TRPC4: variants seen among roughly 807,000 people sequenced by gnomAD.
TRPC4 encodes transient receptor potential cation channel subfamily C member 4.
A neutral mutation model predicts 99.4 loss-of-function variants in TRPC4; 49 were observed. The observed-to-expected ratio is 0.49, with a 90% CI of 0.39 to 0.63. The LOEUF is 0.63. TRPC4 is among the 20% of genes least tolerant of loss of function. The pLI is 0.00. For missense variants in TRPC4, 898 were observed against 1,152.9 expected (o/e 0.78, Z 3.20); for synonymous variants, 454 against 425.9 (o/e 1.07, Z -0.81).
intron 3 of TRPC4, among the ~76,000 whole-genome samples, chr13:37,725,660 CATT>C (rs1234359960): frequency 6.6e-6 from 1 of 152,044 alleles, no homozygotes; most frequent in African/African-American, 2.4e-5. Flanking sequence ...AACCAACAAT[CATT>C]GAGTTATATA....
intron 1 of TRPC4, among the ~76,000 whole-genome samples, chr13:37,828,283 A>G (rs1958309338): frequency 6.6e-6 from 1 of 152,162 alleles, no homozygotes; most frequent in African/African-American, 2.4e-5. Flanking sequence ...CTATTCGGCC[A>G]TCTTGGCTCC....
chr13:37,855,572 A>G (rs2139694043), intron 1 of TRPC4, among the ~76,000 whole-genome samples: 1 of 151,966 alleles, frequency 6.6e-6, no homozygotes, highest in East Asian at 1.9e-4. Context: ...CAAAATCTGC[A>G]GAATATACAT....
At chr13:37,725,078 A>T (rs1955003863) in intron 3 of TRPC4, among the ~76,000 whole-genome samples, 1 of 152,108 alleles carries the variant, frequency 6.6e-6, no homozygotes, top group African/African-American at 2.4e-5. Context: ...AAAAAGAAAC[A>T]AAAAATAAAT....
chr13:37,851,513 G>T (rs962312614), intron 1 of TRPC4, among the ~76,000 whole-genome samples: 4 of 152,132 alleles, frequency 2.6e-5, no homozygotes, highest in African/African-American at 9.7e-5. Flanking sequence ...AAATCAAATG[G>T]AAATACTAGA....
intron 4 of TRPC4, among the ~76,000 whole-genome samples, chr13:37,691,576 G>A (rs1333097406): frequency 6.6e-6 from 1 of 152,014 alleles, no homozygotes; most frequent in Non-Finnish European, 1.5e-5. Flanking sequence ...TGAATGGATT[G>A]ATTTTTTCAA....
At chr13:37,791,749 T>C (rs1593753637) in intron 1 of TRPC4, among the ~76,000 whole-genome samples, 1 of 152,214 alleles carries the variant, frequency 6.6e-6, no homozygotes, top group African/African-American at 2.4e-5. Context: ...AAGACCTGCA[T>C]GAGGTCAGAT....
intron 1 of TRPC4, among the ~76,000 whole-genome samples, chr13:37,841,668 A>G (rs772528116): frequency 1.3e-4 from 20 of 152,148 alleles, no homozygotes; most frequent in Non-Finnish European, 2.8e-4. Flanking sequence ...GCCATTGTAG[A>G]AATACAAAAT....
rs545536923 is a variant in TRPC4 at position 37,637,196 on chromosome 13, C to T, written c.2641G>A (p.Glu881Lys). The part of the protein sequence containing the change: ...VARQQAAGPL[E>K]RNIQLESRGL... ...CGAGATTCCAGTTGAATATTTCTCT[C>T]AAGTGGTCCTGCAGCCTGTTGACGA... is the stretch of plus-strand genomic sequence containing the variant. Residue 881 changes from glutamate (E) to lysine (K), a missense_variant, in exon 11 of 11, where the codon GAG becomes AAG. By Grantham distance (56) the Glu-to-Lys change is moderately conservative. Transcript: ENST00000379705. 1.9e-6 allele frequency: 3 copies of T among 1,613,886 alleles called. No individual in the cohort carries two copies. The highest frequency in any genetic ancestry group is 2.2e-5 in the South Asian group (2 of 91,072).
intron 1 of TRPC4, among the ~76,000 whole-genome samples, chr13:37,841,378 T>A (rs967909223): frequency 1.3e-5 from 2 of 152,004 alleles, no homozygotes; most frequent in Non-Finnish European, 2.9e-5. Flanking sequence ...TTTTCCTTTT[T>A]AAAAATAAAA....
intron 6 of TRPC4, among the ~76,000 whole-genome samples, chr13:37,658,638 C>A (rs1479499480): frequency 6.6e-6 from 1 of 152,158 alleles, no homozygotes; most frequent in Non-Finnish European, 1.5e-5. Flanking sequence ...TGAGACAATA[C>A]CTGTCACAAA....
chr13:37,828,392 A>G (rs997523083), intron 1 of TRPC4, among the ~76,000 whole-genome samples: 3 of 152,232 alleles, frequency 2.0e-5, no homozygotes, highest in Admixed American at 6.5e-5. Context: ...GTTTGGAATG[A>G]TAATTAGTTC....
intron 7 of TRPC4, among the ~76,000 whole-genome samples, chr13:37,653,465 G>C (rs1256076351): frequency 6.6e-6 from 1 of 151,862 alleles, no homozygotes; most frequent in African/African-American, 2.4e-5. Flanking sequence ...AAGGAAGGAA[G>C]GAAGAAAGAA....
chr13:37,844,277 A>G (rs554472029), intron 1 of TRPC4, among the ~76,000 whole-genome samples: 90 of 151,930 alleles, frequency 5.9e-4, no homozygotes, highest in African/African-American at 2.0e-3. Flanking sequence ...CATGGTTCAC[A>G]GGTCTTTCTT....
At chr13:37,808,728 G>C (rs1240998077) in intron 1 of TRPC4, among the ~76,000 whole-genome samples, 1 of 151,998 alleles carries the variant, frequency 6.6e-6, no homozygotes, top group African/African-American at 2.4e-5. Flanking sequence ...GATCAGCCAA[G>C]GTTACTCTAT....
At chr13:37,734,280 C>A (rs966674650) in intron 3 of TRPC4, among the ~76,000 whole-genome samples, 1 of 152,124 alleles carries the variant, frequency 6.6e-6, no homozygotes, top group African/African-American at 2.4e-5. Context: ...AATAAGGTGG[C>A]TCTTGGAAAT....
intron 2 of TRPC4, among the ~76,000 whole-genome samples, chr13:37,752,009 G>C (rs1955943233): frequency 7.3e-6 from 1 of 136,358 alleles, no homozygotes; most frequent in Non-Finnish European, 1.6e-5. Context: ...AAAATCTCAG[G>C]GTAGTTTTTC....
At chr13:37,744,975 TG>T (rs1456654994) in intron 3 of TRPC4, among the ~76,000 whole-genome samples, 1 of 152,140 alleles carries the variant, frequency 6.6e-6, no homozygotes, top group Non-Finnish European at 1.5e-5. Flanking sequence ...TGAACTTACT[TG>T]GTTTCTTATT....
intron 5 of TRPC4, among the ~76,000 whole-genome samples, chr13:37,667,731 G>A (rs1003679079): frequency 6.6e-6 from 1 of 152,132 alleles, no homozygotes; most frequent in African/African-American, 2.4e-5. Flanking sequence ...AAGCCTCTAT[G>A]TTCTGACTCC....
intron 3 of TRPC4, among the ~76,000 whole-genome samples, chr13:37,735,102 T>A (rs569781622): frequency 6.6e-6 from 1 of 152,254 alleles, no homozygotes; most frequent in South Asian, 2.1e-4. Flanking sequence ...ACAGGCATTA[T>A]CAATCCTAGA....
Sources: allele counts gnomAD v4.1 joint callset (sites outside exome capture counted in the v4.1 genomes callset), GRCh38; gene constraint gnomAD v4.1.1; transcripts MANE v1.5; gene names NCBI Gene and HGNC (gene_info 2026-07-23, HGNC 2026-07-21).